Variants in GABRB2 observed in about 807,000 individuals in gnomAD.
GABRB2 encodes the protein gamma-aminobutyric acid type A receptor subunit beta2, also known as gamma-aminobutyric acid receptor subunit beta-2.
In GABRB2, 16 loss-of-function variants were observed where a neutral mutation model predicts 54.7. The ratio of observed to expected loss-of-function variants is 0.29; its 90% confidence interval spans 0.20 to 0.44. GABRB2 has a LOEUF of 0.44. Ranked by LOEUF, GABRB2 falls within the 20% of genes least tolerant of loss-of-function variation. The pLI is 1.00. For synonymous variants in GABRB2, 244 were observed against 233.8 expected, an observed-to-expected ratio of 1.04 and a Z score of -0.40; for missense variants, 355 against 644.0, an observed-to-expected ratio of 0.55 and a Z score of 4.86.
intron 3 of GABRB2, among the ~76,000 whole-genome samples, chr5:161,521,458 A>C (rs1213333377): frequency 6.6e-6 from 1 of 151,966 alleles, no homozygotes; most frequent in Non-Finnish European, 1.5e-5. Context: ...GAAAAAAAAG[A>C]AAGCAAAGAA....
rs1400163060 is a variant in GABRB2, at chr5:161,292,743, A to C, written c.*1338T>G. On this transcript the variant is annotated 3_prime_UTR_variant, in exon 10 of 10. Coordinates refer to ENST00000393959, the MANE Select transcript of GABRB2 (RefSeq NM_001371727.1). Reference sequence around the variant, plus strand: ...AATCAAGCCCCAAACCAATGAATGCACAAATTAACTCTCTGTGTGTTCATA... The same window carrying C: ...AATCAAGCCCCAAACCAATGAATGCCCAAATTAACTCTCTGTGTGTTCATA... 1 of 152,236 alleles carries C rather than the reference A, an allele frequency of 6.6e-6. No homozygotes were observed. Among genetic ancestry groups the C allele is most frequent in the Non-Finnish European group, 1.5e-5 (1 of 68,032 alleles). 9.4% of individuals were successfully genotyped at this position (152,236 alleles called of 1,614,324 possible). A position where few individuals can be genotyped will look rare whatever the true frequency, so the allele number is the denominator to read the frequency against.
At chr5:161,331,275 G>A (rs1753829205) in intron 7 of GABRB2, 148 bp from the exon 8 acceptor site, 1 of 852,666 alleles carries the variant, frequency 1.2e-6, no homozygotes, top group Non-Finnish European at 1.8e-6. Context: ...CCAGCCCTAG[G>A]ATAGGGAATG....
intron 9 of GABRB2, among the ~76,000 whole-genome samples, chr5:161,301,017 A>G (rs947729828): frequency 1.3e-5 from 2 of 152,178 alleles, no homozygotes; most frequent in Non-Finnish European, 2.9e-5. Flanking sequence ...TGATCTTGAA[A>G]GCCCTATAAA....
At chr5:161,426,452 A>T (rs1757000917) in intron 4 of GABRB2, among the ~76,000 whole-genome samples, 1 of 152,130 alleles carries the variant, frequency 6.6e-6, no homozygotes, top group Non-Finnish European at 1.5e-5. Flanking sequence ...TTATAATTGA[A>T]GACAGATTAA....
At chr5:161,344,509 A>T (rs1278808670) in intron 5 of GABRB2, among the ~76,000 whole-genome samples, 1 of 151,544 alleles carries the variant, frequency 6.6e-6, no homozygotes, top group Non-Finnish European at 1.5e-5. Flanking sequence ...TGCTGGTACT[A>T]TTTGTTTTTT....
At chr5:161,336,925 C>T (rs1186984724) in intron 5 of GABRB2, among the ~76,000 whole-genome samples, 156 bp from the exon 6 acceptor site, 4 of 151,748 alleles carry the variant, frequency 2.6e-5, no homozygotes, top group African/African-American at 7.3e-5. Flanking sequence ...TCATACTAAA[C>T]ATTTCAAGTC....
At chr5:161,460,080 G>T (rs553066197) in intron 3 of GABRB2, among the ~76,000 whole-genome samples, 1 of 152,298 alleles carries the variant, frequency 6.6e-6, no homozygotes, top group African/African-American at 2.4e-5. Context: ...AAGTAGCTGA[G>T]ATTACAGGCA....
At chr5:161,447,681 A>G (rs1483699414) in intron 4 of GABRB2, among the ~76,000 whole-genome samples, 1 of 152,198 alleles carries the variant, frequency 6.6e-6, no homozygotes, top group Non-Finnish European at 1.5e-5. Context: ...TGTGATCTCC[A>G]AAATAAGGAG....
chr5:161,339,597 C>T (rs1754094043), intron 5 of GABRB2, among the ~76,000 whole-genome samples: 1 of 152,014 alleles, frequency 6.6e-6, no homozygotes, highest in Admixed American at 6.6e-5. Flanking sequence ...AAAATAAATG[C>T]TGTTATTTAT....
At chr5:161,512,417 G>A (rs560046562) in intron 3 of GABRB2, among the ~76,000 whole-genome samples, 17 of 151,652 alleles carry the variant, frequency 1.1e-4, no homozygotes, top group African/African-American at 3.1e-4. Flanking sequence ...AAAGTTACAC[G>A]CATACAGCCA....
At chr5:161,329,169 T>C (rs572789561) in intron 8 of GABRB2, among the ~76,000 whole-genome samples, 9 of 152,224 alleles carry the variant, frequency 5.9e-5, no homozygotes, top group Non-Finnish European at 1.2e-4. Context: ...TCAGATGTTA[T>C]CTTATTAAGT....
chr5:161,308,435 C>G (rs1260849039), intron 9 of GABRB2, among the ~76,000 whole-genome samples: 2 of 152,152 alleles, frequency 1.3e-5, no homozygotes, highest in East Asian at 3.9e-4. Context: ...TGCCCATAAG[C>G]AACTTACAGA....
chr5:161,294,001 G>T lies in GABRB2; in HGVS notation c.*80C>A. ...AGCGTCACTTTTGTCCTGGATTGAT[G>T]TGTTTTCCAAGTCCTACATCAGGCT... is the stretch of plus-strand genomic sequence containing the variant. On this transcript the variant is annotated 3_prime_UTR_variant, in exon 10 of 10. Coordinates refer to ENST00000393959, the MANE Select transcript of GABRB2 (RefSeq NM_001371727.1). The T allele has an allele frequency of 9.3e-7, 1 of 1,075,494 alleles. No homozygotes were observed. Among genetic ancestry groups the T allele is most frequent in the Non-Finnish European group, 1.4e-6 (1 of 728,114 alleles). 66.6% of individuals were successfully genotyped at this position (1,075,494 alleles called of 1,614,324 possible).
intron 9 of GABRB2, among the ~76,000 whole-genome samples, chr5:161,299,016 T>C (rs1451833430): frequency 1.3e-5 from 2 of 152,138 alleles, no homozygotes; most frequent in African/African-American, 4.8e-5. Flanking sequence ...CAGCATTCCA[T>C]GGCTCATAAA....
intron 3 of GABRB2, among the ~76,000 whole-genome samples, chr5:161,499,702 A>G (rs1436151061): frequency 1.3e-5 from 2 of 152,200 alleles, no homozygotes; most frequent in Non-Finnish European, 2.9e-5. Flanking sequence ...ATTTATCACA[A>G]TCCCCACTGG....
chr5:161,439,310 T>C (rs1393845044), intron 4 of GABRB2, among the ~76,000 whole-genome samples: 1 of 152,134 alleles, frequency 6.6e-6, no homozygotes, highest in Non-Finnish European at 1.5e-5. Flanking sequence ...ACAATATCTC[T>C]TAAACATGAA....
intron 9 of GABRB2, among the ~76,000 whole-genome samples, chr5:161,314,114 C>T (rs1476330846): frequency 6.6e-6 from 1 of 152,218 alleles, no homozygotes; most frequent in South Asian, 2.1e-4. Flanking sequence ...CAACTGAAGT[C>T]AACAATCCTG....
intron 9 of GABRB2, among the ~76,000 whole-genome samples, chr5:161,302,500 C>T (rs1431713829): frequency 6.6e-6 from 1 of 152,104 alleles, no homozygotes; most frequent in African/African-American, 2.4e-5. Context: ...CCTCAATAAC[C>T]TAACAACATC....
intron 3 of GABRB2, among the ~76,000 whole-genome samples, chr5:161,520,556 T>C (rs1760082442): frequency 6.6e-6 from 1 of 152,124 alleles, no homozygotes; most frequent in South Asian, 2.1e-4. Flanking sequence ...AAAAGTATCA[T>C]ACTTCATCTT....
Sources: gnomAD v4.1 joint callset for allele counts (sites outside exome capture counted in the v4.1 genomes callset) on GRCh38, gnomAD v4.1.1 for gene constraint, MANE v1.5 for transcripts, NCBI Gene and HGNC (gene_info 2026-07-23, HGNC 2026-07-21) for gene names.